Variants in ARID2 observed in about 807,000 individuals in gnomAD.
ARID2 encodes AT-rich interactive domain-containing protein 2.
A neutral mutation model predicts 184.6 loss-of-function variants in ARID2; 32 were observed. The ratio of observed to expected loss-of-function variants is 0.17; its 90% CI spans 0.13 to 0.23. ARID2 has a LOEUF of 0.23. Ranked by LOEUF, ARID2 falls within the 10% of genes least tolerant of loss-of-function variation. The pLI is 1.00. For synonymous variants in ARID2, 836 were observed against 772.6 expected (o/e 1.08, Z -1.36); for missense variants, 1,696 against 2,197.6 (o/e 0.77, Z 4.56).
At chr12:45,747,827 A>G (rs1408658066) in intron 3 of ARID2, among the ~76,000 whole-genome samples, 1 of 152,224 alleles carries the variant, frequency 6.6e-6, no homozygotes, top group East Asian at 1.9e-4. Flanking sequence ...TAAAATAGAC[A>G]CTAATGTCTC....
intron 3 of ARID2, among the ~76,000 whole-genome samples, chr12:45,779,611 G>T (rs1942051702): frequency 6.6e-6 from 1 of 152,082 alleles, no homozygotes; most frequent in Non-Finnish European, 1.5e-5. Context: ...AATCACCATT[G>T]ATTAATAGAC....
chr12:45,750,658 A>T (rs1941446825), intron 3 of ARID2, among the ~76,000 whole-genome samples: 1 of 152,232 alleles, frequency 6.6e-6, no homozygotes. Context: ...GAAAACATGG[A>T]TACGATTAAT....
chr12:45,752,487 A>G (rs1317828742), intron 3 of ARID2, among the ~76,000 whole-genome samples: 1 of 152,230 alleles, frequency 6.6e-6, no homozygotes, highest in African/African-American at 2.4e-5. Flanking sequence ...GGAAACACTC[A>G]GTAGGTACAC....
At chr12:45,876,842 C>T (rs1378395092) in intron 16 of ARID2, among the ~76,000 whole-genome samples, 1 of 150,376 alleles carries the variant, frequency 6.6e-6, no homozygotes, top group Non-Finnish European at 1.5e-5. Flanking sequence ...GTAATCCCAG[C>T]ACTTTGGGAG....
At chr12:45,779,067 ACTT>A (rs1246565471) in intron 3 of ARID2, among the ~76,000 whole-genome samples, 3 of 151,900 alleles carry the variant, frequency 2.0e-5, no homozygotes, top group African/African-American at 7.2e-5. Flanking sequence ...CATAATTTTA[ACTT>A]CTTTTTATTG....
intron 16 of ARID2, among the ~76,000 whole-genome samples, chr12:45,889,555 A>G (rs1019686919): frequency 1.3e-5 from 2 of 152,220 alleles, no homozygotes; most frequent in African/African-American, 4.8e-5. Context: ...CATCCAATAA[A>G]TATCCGTAAT....
At chr12:45,803,703 G>A (rs1390496377) in intron 3 of ARID2, among the ~76,000 whole-genome samples, 1 of 152,064 alleles carries the variant, frequency 6.6e-6, no homozygotes, top group African/African-American at 2.4e-5. Flanking sequence ...GTTGACAATA[G>A]GTTCAGGTGA....
chr12:45,793,083 GAGGTC>G (rs1357839670), intron 3 of ARID2, among the ~76,000 whole-genome samples: 1 of 152,120 alleles, frequency 6.6e-6, no homozygotes, highest in Non-Finnish European at 1.5e-5. Flanking sequence ...TGGATCACCT[GAGGTC>G]AGGAGTTCGA....
intron 5 of ARID2, among the ~76,000 whole-genome samples, chr12:45,820,137 A>G (rs1942873864): frequency 1.3e-5 from 2 of 152,172 alleles, no homozygotes; most frequent in South Asian, 2.1e-4. Flanking sequence ...TTAAGCTGCT[A>G]CTTATGTATA....
rs1246624890 is a variant in ARID2 at position 45,893,415 on chromosome 12, T to C, written c.5148-5T>C. The C allele has an allele frequency of 6.2e-7, 1 of 1,610,020 alleles. No homozygotes were observed. On this transcript the variant is annotated splice_region_variant and splice_polypyrimidine_tract_variant and intron_variant, in intron 18 of 20. Coordinates refer to ENST00000334344, the MANE Select transcript of ARID2 (RefSeq NM_152641.4). ...TCTCTCTCTCTCTCTCTCTGATCAA[T>C]TTAGGCAGCCAACTGTAGGGGGCAC...
intron 16 of ARID2, among the ~76,000 whole-genome samples, chr12:45,867,528 G>A (rs1457158748): frequency 6.6e-6 from 1 of 151,430 alleles, no homozygotes; most frequent in Non-Finnish European, 1.5e-5. Context: ...TGATCGTGAG[G>A]TCAGGAGATC....
In ARID2 at chr12:45,866,200, T is replaced by C. The variant is rs557838962; in HGVS notation, c.4922+5251T>C. The stretch of plus-strand genomic sequence containing the variant: ...TGTCAATACATAGATTTACTCATTC[T>C]TTGTATTGAATACCAATAATTCCCT... On this transcript the variant is annotated intron_variant, in intron 16 of 20. Coordinates refer to ENST00000334344, the MANE Select transcript of ARID2 (RefSeq NM_152641.4). Among the ~76,000 whole-genome samples the C allele has an allele frequency of 2.3e-4, 35 of 152,278 alleles. 1 individual carries two copies. The East Asian group carries it at 6.7e-3, about 29-fold the overall frequency.
chr12:45,886,641 G>A (rs1304915399), intron 16 of ARID2, among the ~76,000 whole-genome samples: 5 of 152,146 alleles, frequency 3.3e-5, no homozygotes, highest in East Asian at 3.9e-4. Context: ...CTGAAATCTA[G>A]GTGGAGGTTC....
intron 2 of ARID2, 120 bp from the exon 3 acceptor site, chr12:45,731,097 A>G: frequency 1.4e-6 from 1 of 723,796 alleles, no homozygotes; most frequent in Middle Eastern, 2.6e-4. Context: ...GATCGATCCG[A>G]AACACCCACT....
chr12:45,851,196 C>G lies in ARID2; in HGVS notation c.3073C>G (p.Gln1025Glu), dbSNP rs200388397. 1 of 1,614,158 alleles carries G rather than the reference C, an allele frequency of 6.2e-7. No homozygotes were observed. The highest frequency in any genetic ancestry group is 1.3e-5 in the African/African-American group (1 of 75,046). The change falls in exon 15 of 21, where the codon CAG becomes GAG. Residue 1025 changes from glutamine to glutamate, a missense_variant. Coordinates refer to ENST00000334344, the MANE Select transcript of ARID2 (RefSeq NM_152641.4). ...QQHSPAPPPQ[Q>E]VQVQVQQPQQ... Reference sequence around the variant, plus strand: ...ACATTCACCAGCACCCCCACCACAGCAGGTACAAGTACAAGTTCAGCAGCC... The same window carrying G: ...ACATTCACCAGCACCCCCACCACAGGAGGTACAAGTACAAGTTCAGCAGCC...
chr12:45,896,792 G>GA (rs1302191897), intron 20 of ARID2, among the ~76,000 whole-genome samples: 1 of 152,168 alleles, frequency 6.6e-6, no homozygotes, highest in Non-Finnish European at 1.5e-5. Context: ...TTTGAACTGG[G>GA]AGGAGATAAA....
At chr12:45,788,880 T>C (rs949776642) in intron 3 of ARID2, among the ~76,000 whole-genome samples, 1 of 152,194 alleles carries the variant, frequency 6.6e-6, no homozygotes, top group African/African-American at 2.4e-5. Context: ...ATTAAATAAA[T>C]GTGCTGAACT....
At chr12:45,896,491 G>A (rs1156786726) in intron 20 of ARID2, among the ~76,000 whole-genome samples, 5 of 152,154 alleles carry the variant, frequency 3.3e-5, no homozygotes, top group Non-Finnish European at 5.9e-5. Flanking sequence ...TAAGTCTCAC[G>A]AGATCCGATG....
At chr12:45,839,204 G>A in intron 10 of ARID2, 125 bp from the exon 11 acceptor site, 1 of 950,128 alleles carries the variant, frequency 1.1e-6, no homozygotes, top group Non-Finnish European at 1.5e-6. Flanking sequence ...TAATTCTGAT[G>A]TACTGTGATT....
Sources: gnomAD v4.1 joint callset for allele counts (sites outside exome capture counted in the v4.1 genomes callset) on GRCh38, gnomAD v4.1.1 for gene constraint, MANE v1.5 for transcripts, NCBI Gene and HGNC (gene_info 2026-07-23, HGNC 2026-07-21) for gene names.